GNAQ: variants seen among roughly 807,000 people sequenced by gnomAD.
GNAQ encodes G protein subunit alpha q.
Under a neutral mutation model 43.9 loss-of-function variants are expected in GNAQ, and 8 were observed. The ratio of observed to expected loss-of-function variants is 0.18; its 90% CI spans 0.11 to 0.33. GNAQ has a LOEUF of 0.33. Ranked by LOEUF, GNAQ falls within the 10% of genes least tolerant of loss-of-function variation. The pLI, the probability that GNAQ is intolerant of heterozygous loss-of-function variation, is 1.00. For missense variants in GNAQ, 158 were observed against 450.8 expected (o/e 0.35, Z 5.88); for synonymous variants, 155 against 170.7 (o/e 0.91, Z 0.71).
chr9:77,992,896 G>C (rs920409435), intron 1 of GNAQ, among the ~76,000 whole-genome samples: 8 of 152,252 alleles, frequency 5.3e-5, no homozygotes, highest in African/African-American at 1.7e-4. Context: ...AGCGAGCCGA[G>C]ATCAAGCCAC....
intron 2 of GNAQ, among the ~76,000 whole-genome samples, chr9:77,844,239 C>T (rs1306010280): frequency 2.6e-5 from 4 of 152,120 alleles, no homozygotes; most frequent in Non-Finnish European, 5.9e-5. Flanking sequence ...AAGGGCTTCA[C>T]ATCTAAAATA....
At chr9:77,764,482 G>GTC (rs1826101471) in intron 5 of GNAQ, among the ~76,000 whole-genome samples, 1 of 150,038 alleles carries the variant, frequency 6.7e-6, no homozygotes. Flanking sequence ...TTGAGATGGA[G>GTC]TCTCTCTCTG....
intron 2 of GNAQ, among the ~76,000 whole-genome samples, chr9:77,847,201 G>T (rs898287814): frequency 1.3e-5 from 2 of 152,216 alleles, no homozygotes; most frequent in Admixed American, 1.3e-4. Context: ...GCTCAGCCTT[G>T]CAAGGCAGTG....
At chr9:77,797,708 G>T (rs77953373) in intron 3 of GNAQ, 60 bp from the exon 4 acceptor site, 2 of 1,504,192 alleles carry the variant, frequency 1.3e-6, no homozygotes, top group East Asian at 4.6e-5. Context: ...AGCTGTCTAC[G>T]GAAAGGGAAG....
chr9:77,809,019 G>A (rs1292995924), intron 3 of GNAQ, among the ~76,000 whole-genome samples: 1 of 152,172 alleles, frequency 6.6e-6, no homozygotes, highest in Non-Finnish European at 1.5e-5. Flanking sequence ...AAGAAGGACT[G>A]GCCCTAAGTT....
chr9:77,784,811 T>A (rs918453370), intron 5 of GNAQ, among the ~76,000 whole-genome samples: 2 of 152,192 alleles, frequency 1.3e-5, no homozygotes, highest in Non-Finnish European at 2.9e-5. Context: ...TAGAATTAAA[T>A]AAGCACTTCA....
At chr9:78,001,610 T>C (rs17064021) in intron 1 of GNAQ, among the ~76,000 whole-genome samples, 8,923 of 151,600 alleles carry the variant, frequency 0.059, 291 homozygotes, top group African/African-American at 0.063. Flanking sequence ...TAAGAAGTCA[T>C]GGATTGAGTT....
chr9:77,943,340 G>A (rs10781472), intron 1 of GNAQ, among the ~76,000 whole-genome samples: 1 of 152,086 alleles, frequency 6.6e-6, no homozygotes, highest in African/African-American at 2.4e-5. Context: ...ACACATGTTC[G>A]ACGTGTCTTG....
At chr9:77,788,785 G>A (rs535241820) in intron 5 of GNAQ, among the ~76,000 whole-genome samples, 4 of 152,216 alleles carry the variant, frequency 2.6e-5, no homozygotes, top group Admixed American at 1.3e-4. Context: ...TAGACCACAC[G>A]GTATAAGCCT....
At chr9:77,813,057 C>T (rs189776591) in intron 3 of GNAQ, among the ~76,000 whole-genome samples, 6 of 151,820 alleles carry the variant, frequency 4.0e-5, no homozygotes, top group Admixed American at 6.6e-5. Context: ...GGACTACAGG[C>T]GCACCCCACC....
intron 5 of GNAQ, among the ~76,000 whole-genome samples, chr9:77,774,878 GGTAA>G (rs1434855531): frequency 6.6e-6 from 1 of 151,944 alleles, no homozygotes; most frequent in Non-Finnish European, 1.5e-5. Flanking sequence ...TAAAAATGCA[GGTAA>G]GTAAAATAAA....
chr9:77,827,582 G>A (rs868327453), intron 2 of GNAQ, among the ~76,000 whole-genome samples: 10 of 151,748 alleles, frequency 6.6e-5, no homozygotes, highest in Non-Finnish European at 1.0e-4. Context: ...ATCTTCACTC[G>A]GAGGAACCTA....
intron 2 of GNAQ, among the ~76,000 whole-genome samples, chr9:77,889,876 T>C (rs1447227037): frequency 1.3e-5 from 2 of 152,186 alleles, no homozygotes; most frequent in African/African-American, 4.8e-5. Flanking sequence ...TGACATTTCA[T>C]CCCAAATGAA....
intron 5 of GNAQ, among the ~76,000 whole-genome samples, chr9:77,750,408 TAAG>T (rs1243677619): frequency 1.3e-5 from 2 of 152,170 alleles, no homozygotes; most frequent in Admixed American, 6.5e-5. Flanking sequence ...GGGGCCTTAA[TAAG>T]AACATTTTAA....
intron 1 of GNAQ, among the ~76,000 whole-genome samples, chr9:77,977,682 C>T (rs1421249460): frequency 6.6e-6 from 1 of 152,222 alleles, no homozygotes; most frequent in African/African-American, 2.4e-5. Context: ...GAGCATTAGC[C>T]AGGGTGCTGG....
chr9:77,813,131 T>C (rs771153988), intron 3 of GNAQ, among the ~76,000 whole-genome samples: 5 of 152,156 alleles, frequency 3.3e-5, no homozygotes, highest in Non-Finnish European at 7.4e-5. Context: ...TTGGTCAGGC[T>C]GGTCTCGAAC....
chr9:77,846,083 G>A (rs189791821), intron 2 of GNAQ, among the ~76,000 whole-genome samples: 162 of 152,324 alleles, frequency 1.1e-3, no homozygotes, highest in Middle Eastern at 3.4e-3. Flanking sequence ...CAAACCAGCC[G>A]TCTGTGGGCA....
intron 5 of GNAQ, among the ~76,000 whole-genome samples, chr9:77,776,944 A>G (rs993124969): frequency 6.6e-6 from 1 of 152,026 alleles, no homozygotes; most frequent in South Asian, 2.1e-4. Flanking sequence ...TAGTCAAAAC[A>G]ATCTTAAAGA....
At chr9:77,822,624 T>TA (rs111910216) in intron 2 of GNAQ, among the ~76,000 whole-genome samples, 6,000 of 131,496 alleles carry the variant, frequency 0.046, 448 homozygotes, top group African/African-American at 0.15. Context: ...GCTTTTTGAT[T>TA]AAAAAAAAAA....
Sources: allele counts gnomAD v4.1 joint callset (sites outside exome capture counted in the v4.1 genomes callset), GRCh38; gene constraint gnomAD v4.1.1; transcripts MANE v1.5; gene names NCBI Gene and HGNC (gene_info 2026-07-23, HGNC 2026-07-21).